PARS2: variants seen among roughly 807,000 people sequenced by gnomAD.
The protein encoded by PARS2 is probable proline--tRNA ligase, mitochondrial.
A neutral mutation model predicts 27.4 loss-of-function variants in PARS2; 20 were observed. The ratio of observed to expected loss-of-function variants is 0.73; its 90% CI spans 0.51 to 1.06. The LOEUF is 1.06. PARS2 is among the 50% of genes least tolerant of loss of function. The pLI, the probability that PARS2 is intolerant of heterozygous loss-of-function variation, is 0.00. For synonymous variants in PARS2, 240 were observed against 247.1 expected (o/e 0.97, Z 0.27); for missense variants, 585 against 602.1 (o/e 0.97, Z 0.30).
intron 1 of PARS2, among the ~76,000 whole-genome samples, chr1:54,761,667 G>A (rs1646158007): frequency 6.6e-6 from 1 of 152,198 alleles, no homozygotes; most frequent in Non-Finnish European, 1.5e-5. Context: ...CCGGCAGTAT[G>A]CTGGGTATGG....
intron 1 of PARS2, among the ~76,000 whole-genome samples, chr1:54,762,037 C>A (rs1033007828): frequency 1.3e-5 from 2 of 152,146 alleles, no homozygotes; most frequent in Non-Finnish European, 2.9e-5. Flanking sequence ...CTGGCCCTTA[C>A]TGCCTCAACA....
chr1:54,759,849 C>T (rs1180956), intron 1 of PARS2, among the ~76,000 whole-genome samples: 89,346 of 151,692 alleles, frequency 0.59, 26,861 homozygotes, highest in East Asian at 0.96. Flanking sequence ...CTACTAAAAA[C>T]ACAAAAATTA....
In PARS2 at chr1:54,757,840, A is replaced by T. The variant is rs200491178; in HGVS notation, c.1322T>A (p.Leu441Gln). 4.3e-6 allele frequency: 7 copies of T among 1,614,158 alleles called. No homozygotes were observed. The Admixed American group carries it at 5.0e-5, about 12-fold the overall frequency. The change falls in exon 2 of 2, where the codon CTG becomes CAG. Residue 441 changes from leucine (L) to glutamine (Q), a missense_variant. Leu to Gln is a moderately radical substitution (Grantham distance 113). Transcript: ENST00000371279. ...PFVIIAGKRALEDPAHFEVWC... is the reference protein window; with the variant it reads ...PFVIIAGKRAQEDPAHFEVWC... ...AACCTCAAAATGTGCAGGGTCCTCC[A>T]GGGCCCTCTTGCCAGCGATTATCAC...
At position 54,757,618 on chromosome 1, in the gene PARS2, C is replaced by T. The variant is rs537606161; in HGVS notation, c.*116G>A. On this transcript the variant is annotated 3_prime_UTR_variant, in exon 2 of 2. Coordinates refer to ENST00000371279, the MANE Select transcript of PARS2 (RefSeq NM_152268.4). ...AATTGATTTCCCTAACATGATCTCA[C>T]CCTCCATGAGCTGTGCTGTTTCTGG... 3.3e-4 allele frequency: 211 copies of T among 634,678 alleles called. No individual in the cohort carries two copies. Among genetic ancestry groups the T allele is most frequent in the Middle Eastern group, 4.2e-4 (1 of 2,398 alleles). The allele number at this position is 634,678 out of a possible 1,614,324, so 39.3% of individuals were successfully genotyped here.
intron 1 of PARS2, among the ~76,000 whole-genome samples, chr1:54,762,155 T>A (rs1026489137): frequency 1.0e-4 from 15 of 148,526 alleles, no homozygotes; most frequent in Non-Finnish European, 1.3e-4. Context: ...TTTTTTTTTT[T>A]AGAGACAGAG....
At chr1:54,763,680 C>T (rs964314139) in intron 1 of PARS2, among the ~76,000 whole-genome samples, 1 of 152,188 alleles carries the variant, frequency 6.6e-6, no homozygotes, top group Non-Finnish European at 1.5e-5. Flanking sequence ...CTAACGTATG[C>T]AACACTTCAG....
intron 1 of PARS2, among the ~76,000 whole-genome samples, 165 bp downstream of exon 1, chr1:54,764,296 G>C (rs530519391): frequency 4.9e-4 from 74 of 152,352 alleles, no homozygotes; most frequent in Non-Finnish European, 8.8e-4. Context: ...GAGACCAGGA[G>C]TATCGAAAAG....
chr1:54,762,440 G>C (rs1023551074), intron 1 of PARS2, among the ~76,000 whole-genome samples: 1 of 152,070 alleles, frequency 6.6e-6, no homozygotes, highest in African/African-American at 2.4e-5. Context: ...ATGCCCGGTT[G>C]GGTTTGTTAA....
At position 54,758,672 on chromosome 1, in the gene PARS2, C is replaced by A. The variant is rs763794803; in HGVS notation, c.490G>T (p.Ala164Ser). The A allele has an allele frequency of 1.2e-6, 2 of 1,614,080 alleles. No individual in the cohort carries two copies. The highest frequency in any genetic ancestry group is 2.7e-5 in the African/African-American group (2 of 74,924). ...AGTTTCTTCTGGGAGGCAATTAAGG[C>A]CGTAATGGCTTCCTCGTGAGTTGGT... ...LGPTHEEAIT[A>S]LIASQKKLSY... Residue 164 changes from alanine to serine, a missense_variant, in exon 2 of 2, where the codon GCC (alanine) becomes TCC (serine). By Grantham distance (99) the Ala-to-Ser change is moderately conservative (BLOSUM62 1). Coordinates refer to ENST00000371279, the MANE Select transcript of PARS2 (RefSeq NM_152268.4).
intron 1 of PARS2, among the ~76,000 whole-genome samples, chr1:54,761,923 C>T (rs546841241): frequency 1.3e-5 from 2 of 152,248 alleles, no homozygotes; most frequent in Non-Finnish European, 2.9e-5. Flanking sequence ...TCCTTGTGAT[C>T]CAACCTTACT....
intron 1 of PARS2, among the ~76,000 whole-genome samples, chr1:54,759,576 A>G (rs1195139151): frequency 6.6e-6 from 1 of 152,182 alleles, no homozygotes; most frequent in Non-Finnish European, 1.5e-5. Flanking sequence ...ATAACAACAG[A>G]ACCTACCTTC....
In PARS2 at chr1:54,757,809, A is replaced by G; in HGVS notation, c.1353T>C (p.Cys451=). 6.2e-7 allele frequency: 1 copy of G among 1,614,166 alleles called. No homozygotes were observed. The highest frequency in any genetic ancestry group is 8.5e-7 in the Non-Finnish European group (1 of 1,180,026). ...GGAAGGCCACCTCACCAGTGTTCTG[A>G]CACCAAACCTCAAAATGTGCAGGGT... ...LEDPAHFEVW[C]QNTGEVAFLT... Residue 451 remains cysteine (C), a synonymous_variant, in exon 2 of 2, where the codon TGT becomes TGC. Coordinates refer to ENST00000371279, the MANE Select transcript of PARS2 (RefSeq NM_152268.4).
chr1:54,763,129 C>G (rs1461453595), intron 1 of PARS2, among the ~76,000 whole-genome samples: 1 of 152,198 alleles, frequency 6.6e-6, no homozygotes, highest in Non-Finnish European at 1.5e-5. Context: ...CAACCCCCAG[C>G]AATTCCAACT....
chr1:54,758,953 C>T lies in PARS2; in HGVS notation c.209G>A (p.Ser70Asn). The T allele has an allele frequency of 6.2e-7, 1 of 1,614,056 alleles. No homozygotes were observed. Residue 70 changes from serine (S) to asparagine (N), a missense_variant, in exon 2 of 2, where the codon AGC (serine) becomes AAC (asparagine). Ser to Asn is a conservative substitution (Grantham distance 46). Transcript: ENST00000371279. The part of the protein sequence containing the change: ...QDKSDDLTCK[S>N]QRLMLQVGLI... ...GCCCACCTGCAGCATCAGCCGCTGG[C>T]TCTTACAGGTCAGGTCATCAGATTT...
rs145647970 is a variant in PARS2, at chr1:54,760,532, C to T, written c.-29-1342G>A. On this transcript the variant is annotated intron_variant, in intron 1 of 1. Coordinates refer to ENST00000371279, the MANE Select transcript of PARS2 (RefSeq NM_152268.4). ...CCCTCATCTCTCACCTGGATGGTTG[C>T]AACAGCCTCCCCACTGGTCTCCTGA... is the stretch of plus-strand genomic sequence containing the variant. Among the ~76,000 whole-genome samples the T allele has an allele frequency of 9.4e-3, 1,438 of 152,296 alleles. 28 individuals are homozygous for T. The highest frequency in any genetic ancestry group is 0.032 in the African/African-American group (1,336 of 41,562).
At chr1:54,761,537 G>A (rs1020226190) in intron 1 of PARS2, among the ~76,000 whole-genome samples, 4 of 152,202 alleles carry the variant, frequency 2.6e-5, no homozygotes, top group Non-Finnish European at 5.9e-5. Flanking sequence ...ATATTTGGGA[G>A]AGGCGTTGAA....
intron 1 of PARS2, among the ~76,000 whole-genome samples, chr1:54,763,967 A>G (rs1003276475): frequency 1.3e-5 from 2 of 152,234 alleles, no homozygotes; most frequent in Non-Finnish European, 2.9e-5. Context: ...CACAGCAAAT[A>G]AGCGCAGGGT....
chr1:54,763,287 G>A (rs1473015165), intron 1 of PARS2, among the ~76,000 whole-genome samples: 29 of 152,262 alleles, frequency 1.9e-4, no homozygotes. Context: ...ACTATTGTGT[G>A]CCAGGCATTG....
intron 1 of PARS2, among the ~76,000 whole-genome samples, chr1:54,761,956 A>C (rs1646159504): frequency 6.6e-6 from 1 of 152,208 alleles, no homozygotes; most frequent in African/African-American, 2.4e-5. Flanking sequence ...TCCAGCCAGA[A>C]ACTCATCCTT....
Sources: allele counts gnomAD v4.1 joint callset (sites outside exome capture counted in the v4.1 genomes callset), GRCh38; gene constraint gnomAD v4.1.1; transcripts MANE v1.5; gene names NCBI Gene and HGNC (gene_info 2026-07-23, HGNC 2026-07-21).